The following IGSF3 variants were observed in gnomAD, a reference collection of about 807,000 sequenced individuals.
IGSF3 encodes the protein glu-Trp-Ile EWI motif-containing protein 3.
IGSF3 carries 23 observed loss-of-function variants against 114.4 expected under a neutral mutation model. The ratio of observed to expected loss-of-function variants is 0.20; its 90% confidence interval spans 0.14 to 0.28. The LOEUF (loss-of-function observed/expected upper bound fraction) is 0.28, where lower values mean the gene tolerates loss of function less well. IGSF3 is among the 10% of genes least tolerant of loss of function. The pLI is 1.00. For missense variants in IGSF3, 1,172 were observed against 1,591.5 expected, an observed-to-expected ratio of 0.74 and a Z score of 4.48; for synonymous variants, 571 against 645.2, an observed-to-expected ratio of 0.88 and a Z score of 1.74.
chr1:116,601,594 C>T (rs111550172), intron 6 of IGSF3, among the ~76,000 whole-genome samples: 4 of 152,142 alleles, frequency 2.6e-5, no homozygotes, highest in Admixed American at 6.5e-5. Flanking sequence ...GTACTTTAAA[C>T]TCTGTAATGT....
rs1281930074 is a variant in IGSF3 at position 116,661,015 on chromosome 1, A to C, written c.43+5269T>G. ...CACTCATCAAAAAATTAACTGGGCC[A>C]GGTGTGGTAGCTCACGCCTGTAATT... On this transcript the variant is annotated intron_variant, in intron 2 of 10. Coordinates refer to ENST00000369486, the MANE Select transcript of IGSF3 (RefSeq NM_001007237.3). The surrounding 1 kb of genome is among the most constrained non-coding windows in gnomAD (Gnocchi z 4.0). Among the ~76,000 whole-genome samples the C allele has an allele frequency of 6.6e-6, 1 of 152,058 alleles. No homozygotes were observed. Among genetic ancestry groups the C allele is most frequent in the Non-Finnish European group, 1.5e-5 (1 of 67,996 alleles).
chr1:116,606,536 A>T, intron 5 of IGSF3: 1 of 1,016,184 alleles, frequency 9.8e-7, no homozygotes, highest in Non-Finnish European at 1.6e-6. Flanking sequence ...GGGGACTTTA[A>T]CTACCCAGTT....
In IGSF3 at chr1:116,605,045, T is replaced by C. The variant is rs548769592; in HGVS notation, c.1223-1020A>G. Among the ~76,000 whole-genome samples, 1 of 152,322 alleles carries C rather than the reference T, an allele frequency of 6.6e-6. No homozygotes were observed. Among genetic ancestry groups the C allele is most frequent in the African/African-American group, 2.4e-5 (1 of 41,580 alleles). Reference sequence around the variant, plus strand: ...TCTTTGTTTTTATAAACATCACAGATAGCCTAATATGTTTTAATTATACAT... The same window carrying C: ...TCTTTGTTTTTATAAACATCACAGACAGCCTAATATGTTTTAATTATACAT... On this transcript the variant is annotated intron_variant, in intron 5 of 10. Coordinates refer to ENST00000369486, the MANE Select transcript of IGSF3 (RefSeq NM_001007237.3). This position sits in a 1 kb window ranked among gnomAD's most constrained non-coding sequence, Gnocchi z 5.1.
rs923855740 is a variant in IGSF3, at chr1:116,589,518, T to C, written c.2030-414A>G. 2.6e-5 allele frequency among the ~76,000 whole-genome samples: 4 copies of C among 152,036 alleles called. No homozygotes were observed. Among genetic ancestry groups the C allele is most frequent in the African/African-American group, 9.7e-5 (4 of 41,372 alleles). The stretch of plus-strand genomic sequence containing the variant: ...CTGGCCTTCACCCAAGTGTCCTGAC[T>C]CATCTCTCACGACTCACCCTCAGGC... On this transcript the variant is annotated intron_variant, in intron 7 of 10. Coordinates refer to ENST00000369486, the MANE Select transcript of IGSF3 (RefSeq NM_001007237.3). This position sits in a 1 kb window ranked among gnomAD's most constrained non-coding sequence, Gnocchi z 5.7.
intron 2 of IGSF3, among the ~76,000 whole-genome samples, chr1:116,656,685 G>A (rs1648867492): frequency 6.6e-6 from 1 of 152,144 alleles, no homozygotes; most frequent in African/African-American, 2.4e-5. Flanking sequence ...AGCACTTTGG[G>A]AGTCTGGAGC....
At chr1:116,643,925 G>T (rs1648222284) in intron 2 of IGSF3, among the ~76,000 whole-genome samples, 1 of 152,194 alleles carries the variant, frequency 6.6e-6, no homozygotes, top group South Asian at 2.1e-4. Flanking sequence ...CAGCAGGCGA[G>T]TTTGCCAGCC....
intron 4 of IGSF3, among the ~76,000 whole-genome samples, chr1:116,609,745 C>T (rs1366865383): frequency 1.3e-5 from 2 of 152,120 alleles, no homozygotes; most frequent in African/African-American, 4.8e-5. Context: ...CCACTATCTT[C>T]AAGATCTTGC....
intron 2 of IGSF3, among the ~76,000 whole-genome samples, chr1:116,635,599 C>T (rs1348902665): frequency 1.3e-5 from 2 of 152,228 alleles, no homozygotes; most frequent in East Asian, 1.9e-4. Context: ...TTTTGCTGCA[C>T]ATCCAGGCTG....
In IGSF3 at chr1:116,649,789, C is replaced by T. The variant is rs529060139; in HGVS notation, c.43+16495G>A. ...TGTTCATAAGCCTGTAATACTTTTC[C>T]GGCTGCATAAGTCACGTGTCACCAT... On this transcript the variant is annotated intron_variant, in intron 2 of 10. Transcript: ENST00000369486. This position sits in a 1 kb window ranked among gnomAD's most constrained non-coding sequence, Gnocchi z 4.5. Among the ~76,000 whole-genome samples the T allele has an allele frequency of 6.6e-6, 1 of 152,170 alleles. No homozygotes were observed. Among genetic ancestry groups the T allele is most frequent in the Admixed American group, 6.5e-5 (1 of 15,280 alleles).
chr1:116,654,344 G>A lies in IGSF3; in HGVS notation c.43+11940C>T, dbSNP rs921766488. On this transcript the variant is annotated intron_variant, in intron 2 of 10. Transcript: ENST00000369486. This position sits in a 1 kb window ranked among gnomAD's most constrained non-coding sequence, Gnocchi z 4.4. ...GGACCTGCAGTCTCAGAGGGCTCACGGAGAAGGGGGAAGCTCTTGGCTACC... is the reference window on the plus strand; with the variant it reads ...GGACCTGCAGTCTCAGAGGGCTCACAGAGAAGGGGGAAGCTCTTGGCTACC... Among the ~76,000 whole-genome samples, 1 of 152,198 alleles carries A rather than the reference G, an allele frequency of 6.6e-6. No homozygotes were observed. Among genetic ancestry groups the A allele is most frequent in the Admixed American group, 6.5e-5 (1 of 15,274 alleles).
chr1:116,653,666 CT>C (rs538537872), intron 2 of IGSF3, among the ~76,000 whole-genome samples: 383 of 152,362 alleles, frequency 2.5e-3, no homozygotes, highest in African/African-American at 8.9e-3. Flanking sequence ...TCACCATGGT[CT>C]TTTTCTTCCC....
intron 1 of IGSF3, among the ~76,000 whole-genome samples, 173 bp downstream of exon 1, chr1:116,667,445 A>G (rs924932871): frequency 6.6e-6 from 1 of 151,984 alleles, no homozygotes; most frequent in African/African-American, 2.4e-5. Flanking sequence ...CAGCTGCCGG[A>G]GCGCGCTCGC....
intron 2 of IGSF3, among the ~76,000 whole-genome samples, chr1:116,635,882 C>T (rs2101046370): frequency 6.6e-6 from 1 of 152,362 alleles, no homozygotes; most frequent in East Asian, 1.9e-4. Flanking sequence ...AGGGAACCTT[C>T]CTCAGTGCCT....
chr1:116,576,627 G>A lies in IGSF3; in HGVS notation c.*685C>T, dbSNP rs1659353856. The A allele has an allele frequency of 6.6e-6, 1 of 152,600 alleles. No individual in the cohort carries two copies. The highest frequency in any genetic ancestry group is 1.9e-4 in the East Asian group (1 of 5,192). The allele number at this position is 152,600 out of a possible 1,614,324, so 9.5% of individuals were successfully genotyped here. A position where few individuals can be genotyped will look rare whatever the true frequency, so the allele number is the denominator to read the frequency against. On this transcript the variant is annotated 3_prime_UTR_variant, in exon 11 of 11. Transcript: ENST00000369486. The surrounding 1 kb of genome is among the most constrained non-coding windows in gnomAD (Gnocchi z 4.6). The stretch of plus-strand genomic sequence containing the variant: ...GCCGGGCACCATCTACTCCTAATGG[G>A]GTTATGCAGGATTTCTCTTGTACAT...
Position 116,633,434 on chromosome 1 carries a change from G to A in IGSF3, c.44-16977C>T, listed in dbSNP as rs555340349. On this transcript the variant is annotated intron_variant, in intron 2 of 10. Coordinates refer to ENST00000369486, the MANE Select transcript of IGSF3 (RefSeq NM_001007237.3). The surrounding 1 kb of genome is among the most constrained non-coding windows in gnomAD (Gnocchi z 4.3). The stretch of plus-strand genomic sequence containing the variant: ...GCAAAATTTTAAAATTTTTTTTAAA[G>A]AAGAAAAACACCTAGACAATCCTTA... Among the ~76,000 whole-genome samples the A allele has an allele frequency of 1.3e-5, 2 of 152,232 alleles. No homozygotes were observed. The highest frequency in any genetic ancestry group is 4.8e-5 in the African/African-American group (2 of 41,542).
In IGSF3 at chr1:116,595,476, G is replaced by A. The variant is rs1660305254; in HGVS notation, c.2029+4465C>T. 6.6e-6 allele frequency among the ~76,000 whole-genome samples: 1 copy of A among 152,202 alleles called. No individual in the cohort carries two copies. Among genetic ancestry groups the A allele is most frequent in the Non-Finnish European group, 1.5e-5 (1 of 68,040 alleles). Reference sequence around the variant, plus strand: ...CAGTGTTCACATGCTCTGGACTCATGGAAGTCAAAGAAAAGCCCTCTGCTA... The same window carrying A: ...CAGTGTTCACATGCTCTGGACTCATAGAAGTCAAAGAAAAGCCCTCTGCTA... On this transcript the variant is annotated intron_variant, in intron 7 of 10. Coordinates refer to ENST00000369486, the MANE Select transcript of IGSF3 (RefSeq NM_001007237.3). The surrounding 1 kb of genome is among the most constrained non-coding windows in gnomAD (Gnocchi z 4.2).
chr1:116,616,424 T>C lies in IGSF3; in HGVS notation c.77A>G (p.Gln26Arg), dbSNP rs779919859. 49 of 1,604,096 alleles carry C rather than the reference T, an allele frequency of 3.1e-5. No individual in the cohort carries two copies. Among genetic ancestry groups the C allele is most frequent in the Non-Finnish European group, 4.1e-5 (48 of 1,173,490 alleles). ...VVSAQRQVTV[Q>R]EGPLYRTEGS... ...CTCCGTGCGGTACAAGGGTCCTTCC[T>C]GAACGGTGACCTGCCGCTGTGCTGA... The change falls in exon 3 of 11, where the codon CAG (glutamine) becomes CGG (arginine). Residue 26 changes from glutamine (Q) to arginine (R), a missense_variant. Physicochemically the swap from Gln to Arg is conservative, Grantham distance 43. This residue lies in a region of IGSF3 where 736 missense variants were observed against 1,042.0 expected (regional missense o/e 0.71). Transcript: ENST00000369486. This position sits in a 1 kb window ranked among gnomAD's most constrained non-coding sequence, Gnocchi z 6.6.
chr1:116,654,560 C>T lies in IGSF3; in HGVS notation c.43+11724G>A, dbSNP rs1451497417. On this transcript the variant is annotated intron_variant, in intron 2 of 10. Coordinates refer to ENST00000369486, the MANE Select transcript of IGSF3 (RefSeq NM_001007237.3). This position sits in a 1 kb window ranked among gnomAD's most constrained non-coding sequence, Gnocchi z 4.4. ...TCCCTCACCCTCCCTTGCCAGGGCG[C>T]CCTCAGGGAGGCCACACTGCAGGAG... Among the ~76,000 whole-genome samples the T allele has an allele frequency of 6.6e-6, 1 of 152,242 alleles. No individual in the cohort carries two copies. Among genetic ancestry groups the T allele is most frequent in the African/African-American group, 2.4e-5 (1 of 41,526 alleles).
chr1:116,641,427 C>G (rs1648090631), intron 2 of IGSF3, among the ~76,000 whole-genome samples: 2 of 128,310 alleles, frequency 1.6e-5, no homozygotes, highest in South Asian at 5.1e-4. Flanking sequence ...ACCCAGGAGG[C>G]AGAGGTTGCA....
Sources: gnomAD v4.1 joint callset for allele counts (sites outside exome capture counted in the v4.1 genomes callset) on GRCh38, gnomAD v4.1.1 for gene constraint, gnomAD v4.1.1 regional missense constraint, Gnocchi (gnomAD v3.1) non-coding constraint, MANE v1.5 for transcripts, NCBI Gene and HGNC (gene_info 2026-07-23, HGNC 2026-07-21) for gene names.